Variants in IL1RAPL2 observed in about 807,000 individuals in gnomAD.
IL1RAPL2 encodes X-linked interleukin-1 receptor accessory protein-like 2.
A neutral mutation model predicts 44.1 loss-of-function variants in IL1RAPL2; 3 were observed. The ratio of observed to expected loss-of-function variants is 0.07; its 90% CI spans 0.03 to 0.18. The LOEUF is 0.18. IL1RAPL2 is among the 10% of genes least tolerant of loss of function. The probability of loss-of-function intolerance (pLI) is 1.00; values close to 1 mark genes in which losing one functional copy is unlikely to be tolerated. For missense variants in IL1RAPL2, 391 were observed against 496.4 expected, an observed-to-expected ratio of 0.79 and a Z score of 2.02; for synonymous variants, 181 against 178.8, an observed-to-expected ratio of 1.01 and a Z score of -0.10.
intron 5 of IL1RAPL2, chrX:105,406,943 C>A: frequency 5.4e-6 from 6 of 1,111,872 alleles, no homozygotes; most frequent in Middle Eastern, 3.5e-4. Flanking sequence ...TGTGATCTAT[C>A]TGGGTGCGAT....
intron 3 of IL1RAPL2, among the ~76,000 whole-genome samples, chrX:105,226,006 T>C (rs782477481): frequency 8.9e-6 from 1 of 111,835 alleles, no homozygotes; most frequent in South Asian, 3.7e-4. Context: ...ATAGAAATAG[T>C]GTCTATCTCT....
At chrX:105,438,657 C>T (rs1333485713) in intron 5 of IL1RAPL2, among the ~76,000 whole-genome samples, 1 of 110,328 alleles carries the variant, frequency 9.1e-6, no homozygotes, top group African/African-American at 3.3e-5. Context: ...ACAGATTTGG[C>T]TTTACTTAAA....
chrX:105,377,264 A>G (rs2035394582), intron 5 of IL1RAPL2, among the ~76,000 whole-genome samples: 1 of 111,230 alleles, frequency 9.0e-6, no homozygotes, highest in Admixed American at 9.6e-5. Flanking sequence ...TCATTTCTTC[A>G]AATTGCTGCC....
chrX:105,076,171 T>TGGGC (rs2087123710), intron 2 of IL1RAPL2, among the ~76,000 whole-genome samples: 1 of 111,754 alleles, frequency 8.9e-6, no homozygotes, highest in Admixed American at 9.5e-5. Context: ...CTTTCTCTTG[T>TGGGC]GGGCATTTAG....
chrX:104,908,705 A>G (rs1924122664), intron 2 of IL1RAPL2, among the ~76,000 whole-genome samples: 1 of 110,182 alleles, frequency 9.1e-6, no homozygotes, highest in African/African-American at 3.3e-5. Flanking sequence ...CTTTGAGGGT[A>G]ACCCGACCTT....
chrX:104,894,406 C>G (rs1457341696), intron 2 of IL1RAPL2, among the ~76,000 whole-genome samples: 1 of 111,978 alleles, frequency 8.9e-6, no homozygotes, highest in Non-Finnish European at 1.9e-5. Flanking sequence ...TTCTCCTTGT[C>G]ACTTTCTGGT....
At chrX:105,084,212 G>T (rs925577972) in intron 2 of IL1RAPL2, among the ~76,000 whole-genome samples, 1 of 112,717 alleles carries the variant, frequency 8.9e-6, no homozygotes, top group African/African-American at 3.2e-5. Context: ...CCCCAATGGG[G>T]CACTGCCTAG....
At chrX:104,644,220 T>C (rs1929990905) in intron 1 of IL1RAPL2, among the ~76,000 whole-genome samples, 1 of 111,837 alleles carries the variant, frequency 8.9e-6, no homozygotes, top group South Asian at 3.8e-4. Flanking sequence ...ATTTAATGAC[T>C]CAATTGGAAA....
At chrX:105,035,098 A>G (rs2031602951) in intron 2 of IL1RAPL2, among the ~76,000 whole-genome samples, 3 of 111,490 alleles carry the variant, frequency 2.7e-5, no homozygotes, top group African/African-American at 9.8e-5. Context: ...GGAAAAGTGA[A>G]GTATTAGGGT....
At chrX:104,575,006 G>C (rs1928218398) in intron 1 of IL1RAPL2, among the ~76,000 whole-genome samples, 1 of 111,579 alleles carries the variant, frequency 9.0e-6, no homozygotes. Context: ...AATGCTTATG[G>C]TACTCAATAC....
At chrX:104,662,841 G>A (rs1930426740) in intron 2 of IL1RAPL2, among the ~76,000 whole-genome samples, 1 of 111,913 alleles carries the variant, frequency 8.9e-6, no homozygotes, top group African/African-American at 3.2e-5. Flanking sequence ...ATGGACCTCT[G>A]TATCAGAGAA....
intron 2 of IL1RAPL2, among the ~76,000 whole-genome samples, chrX:104,827,589 G>T (rs1178436122): frequency 2.7e-5 from 3 of 110,793 alleles, no homozygotes; most frequent in Non-Finnish European, 5.7e-5. Flanking sequence ...TGGTGAATCT[G>T]ACAATTATGT....
chrX:104,940,333 A>C (rs775977929), intron 2 of IL1RAPL2, among the ~76,000 whole-genome samples: 1 of 111,811 alleles, frequency 8.9e-6, no homozygotes, highest in Non-Finnish European at 1.9e-5. Flanking sequence ...GTGGATGGAT[A>C]TTTGTTCATA....
intron 2 of IL1RAPL2, among the ~76,000 whole-genome samples, chrX:104,676,347 C>T (rs970734102): frequency 1.8e-5 from 2 of 111,016 alleles, no homozygotes; most frequent in African/African-American, 6.6e-5. Flanking sequence ...TTTATTTCTC[C>T]TTCACTTATG....
At chrX:105,226,934 C>G (rs961050724) in intron 3 of IL1RAPL2, among the ~76,000 whole-genome samples, 1 of 109,616 alleles carries the variant, frequency 9.1e-6, no homozygotes, top group Non-Finnish European at 1.9e-5. Flanking sequence ...GCATCATGAA[C>G]TATAAGAAAG....
intron 2 of IL1RAPL2, among the ~76,000 whole-genome samples, chrX:105,179,809 T>A (rs371058164): frequency 2.3e-4 from 25 of 108,824 alleles, no homozygotes; most frequent in African/African-American, 8.4e-4. Flanking sequence ...TATTGATGTA[T>A]AAAAATGCTA....
At chrX:104,787,022 A>ACTTTT (rs1302742777) in intron 2 of IL1RAPL2, among the ~76,000 whole-genome samples, 1 of 87,685 alleles carries the variant, frequency 1.1e-5, no homozygotes, top group East Asian at 3.8e-4. Flanking sequence ...CTTCCTTTGT[A>ACTTTT]CTTTTTTGTG....
At chrX:104,778,264 T>C (rs924916461) in intron 2 of IL1RAPL2, among the ~76,000 whole-genome samples, 4 of 111,070 alleles carry the variant, frequency 3.6e-5, no homozygotes, top group Non-Finnish European at 5.7e-5. Context: ...AGATCTTTAA[T>C]TCAGAAAAGA....
intron 1 of IL1RAPL2, among the ~76,000 whole-genome samples, chrX:104,570,404 A>ACATCT (rs1928123778): frequency 8.9e-6 from 1 of 112,143 alleles, no homozygotes; most frequent in Non-Finnish European, 1.9e-5. Flanking sequence ...GTGTCTGTCC[A>ACATCT]GGCTGGGCAT....
Sources: allele counts gnomAD v4.1 joint callset (sites outside exome capture counted in the v4.1 genomes callset), GRCh38; gene constraint gnomAD v4.1.1; transcripts MANE v1.5; gene names NCBI Gene and HGNC (gene_info 2026-07-23, HGNC 2026-07-21).